TSPEAR: variants seen among roughly 807,000 people sequenced by gnomAD.
TSPEAR encodes the protein thrombospondin type laminin G domain and EAR repeats.
In TSPEAR, 69 loss-of-function variants were observed where a neutral mutation model predicts 71.6. That is an observed-to-expected ratio of 0.96 (90% CI 0.79 to 1.18). The LOEUF (loss-of-function observed/expected upper bound fraction) is 1.18, where lower values mean the gene tolerates loss of function less well. Among genes scored for constraint, TSPEAR ranks in the 50% most tolerant of loss-of-function variants. The pLI, the probability that TSPEAR is intolerant of heterozygous loss-of-function variation, is 0.00. For synonymous variants in TSPEAR, 402 were observed against 387.2 expected, an observed-to-expected ratio of 1.04 and a Z score of -0.45; for missense variants, 971 against 894.9, an observed-to-expected ratio of 1.09 and a Z score of -1.09.
At chr21:44,622,946 G>C (rs1555933742) in intron 1 of TSPEAR, among the ~76,000 whole-genome samples, 1 of 152,074 alleles carries the variant, frequency 6.6e-6, no homozygotes, top group African/African-American at 2.4e-5. Context: ...GCAAGATCTG[G>C]TTAAGCGTGT....
rs773213053 is a variant in TSPEAR, at chr21:44,682,230, C to A, written c.82+29203G>T. The A allele has an allele frequency of 7.7e-5, 98 of 1,278,006 alleles. 1 individual carries two copies. The Middle Eastern group carries it at 3.5e-3, about 45-fold the overall frequency. The allele number at this position is 1,278,006 out of a possible 1,614,324, so 79.2% of individuals were successfully genotyped here. A position where few individuals can be genotyped will look rare whatever the true frequency, so the allele number is the denominator to read the frequency against. ...CCCAGGCATCCCCACAGCACAGAAG[C>A]ACACACCTGTTGTCTTCCTTGTTTT... On this transcript the variant is annotated intron_variant, in intron 1 of 11. Coordinates refer to ENST00000323084, the MANE Select transcript of TSPEAR (RefSeq NM_144991.3).
Position 44,592,940 on chromosome 21 carries a change from C to T in TSPEAR, c.83-24935G>A, listed in dbSNP as rs150251436. 8.2e-3 allele frequency among the ~76,000 whole-genome samples: 1,254 copies of T among 152,230 alleles called. 14 individuals carry two copies. The highest frequency in any genetic ancestry group is 0.029 in the African/African-American group (1,183 of 41,498). ...ATCTTCTGAGGGACAACCTGGGGCCCATGAGCCTTCATTGACCTGCCCTGG... is the reference window on the plus strand; with the variant it reads ...ATCTTCTGAGGGACAACCTGGGGCCTATGAGCCTTCATTGACCTGCCCTGG... On this transcript the variant is annotated intron_variant, in intron 1 of 11. Transcript: ENST00000323084.
At position 44,658,884 on chromosome 21, in the gene TSPEAR, C is replaced by T. The variant is rs1481370188; in HGVS notation, c.82+52549G>A. Among the ~76,000 whole-genome samples the T allele has an allele frequency of 4.6e-5, 7 of 152,130 alleles. 1 individual carries two copies. Among genetic ancestry groups the T allele is most frequent in the African/African-American group, 1.7e-4 (7 of 41,422 alleles). ...GGGGAGGGTAGAAGAAAACAATCCT[C>T]TACCCAGAAGGATGGACAAGAAATA... On this transcript the variant is annotated intron_variant, in intron 1 of 11. Transcript: ENST00000323084.
At chr21:44,579,960 G>A in intron 1 of TSPEAR, 1 of 1,614,080 alleles carries the variant, frequency 6.2e-7, no homozygotes, top group South Asian at 1.1e-5. Flanking sequence ...CAGCAAGCCG[G>A]CTGACAGCTA....
chr21:44,538,471 G>A (rs587645352), intron 2 of TSPEAR, among the ~76,000 whole-genome samples: 1 of 151,252 alleles, frequency 6.6e-6, no homozygotes, highest in African/African-American at 2.4e-5. Context: ...GGGTTTTGGG[G>A]AATCCTGTGC....
At chr21:44,505,914 A>G (rs1555911864) in intron 10 of TSPEAR, among the ~76,000 whole-genome samples, 2 of 152,130 alleles carry the variant, frequency 1.3e-5, no homozygotes, top group South Asian at 2.1e-4. Context: ...AATCAGAGAA[A>G]AAGTCTCAGG....
At chr21:44,603,993 TG>T (rs1555929411) in intron 1 of TSPEAR, among the ~76,000 whole-genome samples, 1 of 152,226 alleles carries the variant, frequency 6.6e-6, no homozygotes, top group East Asian at 1.9e-4. Context: ...GTCTCCCTCC[TG>T]GGCACGTGGG....
At position 44,554,952 on chromosome 21, in the gene TSPEAR, C is replaced by T. The variant is rs587653082; in HGVS notation, c.303+12833G>A. On this transcript the variant is annotated intron_variant, in intron 2 of 11. Coordinates refer to ENST00000323084, the MANE Select transcript of TSPEAR (RefSeq NM_144991.3). ...TAATTCTGTTTTAAATAGAAATTCT[C>T]GAATTGCGGTTCCATTCCTCACTTT... Among the ~76,000 whole-genome samples, 6 of 152,176 alleles carry T rather than the reference C, an allele frequency of 3.9e-5. 1 individual carries two copies. In the South Asian group the frequency reaches 8.3e-4, roughly 21 times the overall value.
chr21:44,703,833 C>T (rs551445013), intron 1 of TSPEAR, among the ~76,000 whole-genome samples: 3 of 152,208 alleles, frequency 2.0e-5, no homozygotes, highest in South Asian at 2.1e-4. Context: ...CCTCACTCCC[C>T]GCCAGAGCCG....
intron 1 of TSPEAR, among the ~76,000 whole-genome samples, chr21:44,704,623 A>G (rs1416595771): frequency 6.6e-6 from 1 of 152,188 alleles, no homozygotes; most frequent in Non-Finnish European, 1.5e-5. Context: ...CTTTCCACGA[A>G]GGCTTGGATT....
chr21:44,543,187 A>G (rs1227309338), intron 2 of TSPEAR, among the ~76,000 whole-genome samples: 3 of 152,206 alleles, frequency 2.0e-5, no homozygotes, highest in Non-Finnish European at 2.9e-5. Context: ...CAAGAAGTTG[A>G]TAAGGAAATG....
At chr21:44,705,053 G>A (rs1477905862) in intron 1 of TSPEAR, among the ~76,000 whole-genome samples, 2 of 152,230 alleles carry the variant, frequency 1.3e-5, no homozygotes, top group East Asian at 3.8e-4. Flanking sequence ...CAAACAGAGA[G>A]ACCGGCTGAA....
At chr21:44,613,124 C>G (rs1981833481) in intron 1 of TSPEAR, among the ~76,000 whole-genome samples, 1 of 152,212 alleles carries the variant, frequency 6.6e-6, no homozygotes, top group Non-Finnish European at 1.5e-5. Context: ...CCCAGCTTCT[C>G]TGCTCTGGGT....
At chr21:44,607,848 T>C (rs1981410970) in intron 1 of TSPEAR, among the ~76,000 whole-genome samples, 1 of 152,138 alleles carries the variant, frequency 6.6e-6, no homozygotes, top group Admixed American at 6.5e-5. Context: ...CCCCACACAC[T>C]CCACCTCCTG....
At chr21:44,625,609 G>A (rs1413335660) in intron 1 of TSPEAR, among the ~76,000 whole-genome samples, 1 of 152,212 alleles carries the variant, frequency 6.6e-6, no homozygotes, top group Non-Finnish European at 1.5e-5. Context: ...GTTCCCACAT[G>A]CAAGTCTGAG....
At chr21:44,598,318 C>G (rs979958721) in intron 1 of TSPEAR, among the ~76,000 whole-genome samples, 6 of 152,178 alleles carry the variant, frequency 3.9e-5, no homozygotes, top group African/African-American at 1.4e-4. Flanking sequence ...CAATCCCAGC[C>G]AATGGGGAAA....
At chr21:44,519,508 GCC>G (rs1555913977) in intron 9 of TSPEAR, 1 of 152,266 alleles carries the variant, frequency 6.6e-6, no homozygotes, top group Non-Finnish European at 1.5e-5. Flanking sequence ...TTCCTGCTGA[GCC>G]CTGTGGTCAG....
intron 1 of TSPEAR, chr21:44,658,439 A>G: frequency 1.7e-6 from 1 of 575,724 alleles, no homozygotes. Flanking sequence ...TGACCCTGGG[A>G]ACCCCCTCAA....
chr21:44,552,797 C>G (rs1483324979), intron 2 of TSPEAR, among the ~76,000 whole-genome samples: 1 of 152,180 alleles, frequency 6.6e-6, no homozygotes, highest in African/African-American at 2.4e-5. Flanking sequence ...TCCATCTGAA[C>G]CTGGGGCCTC....
Sources: allele counts gnomAD v4.1 joint callset (sites outside exome capture counted in the v4.1 genomes callset), GRCh38; gene constraint gnomAD v4.1.1; transcripts MANE v1.5; gene names NCBI Gene and HGNC (gene_info 2026-07-23, HGNC 2026-07-21).